Variants in LAMA2 observed in about 807,000 individuals in gnomAD.
The protein encoded by LAMA2 is laminin subunit alpha 2, also known as laminin subunit alpha-2.
A neutral mutation model predicts 364.8 loss-of-function variants in LAMA2; 269 were observed. That is an observed-to-expected ratio of 0.74 (90% CI 0.67 to 0.82). The LOEUF is 0.82. Among genes scored for constraint, LAMA2 ranks in the 40% least tolerant of loss-of-function variants. LAMA2 has a pLI of 0.00. For missense variants in LAMA2, 3,807 were observed against 3,873.2 expected, an observed-to-expected ratio of 0.98 and a Z score of 0.45; for synonymous variants, 1,379 against 1,370.6, an observed-to-expected ratio of 1.01 and a Z score of -0.14.
Position 128,980,128 on chromosome 6 carries a change from A to G in LAMA2, c.113-69790A>G, listed in dbSNP as rs558824202. On this transcript the variant is annotated intron_variant, in intron 1 of 64. Coordinates refer to ENST00000421865, the MANE Select transcript of LAMA2 (RefSeq NM_000426.4). ...GATATAGCCACCTGACAGATCAGTAACCTCAGTGTAGCTGGTGGCCATGAG... is the reference window on the plus strand; with the variant it reads ...GATATAGCCACCTGACAGATCAGTAGCCTCAGTGTAGCTGGTGGCCATGAG... Among the ~76,000 whole-genome samples, 14 of 152,254 alleles carry G rather than the reference A, an allele frequency of 9.2e-5. No homozygotes were observed. In the East Asian group the frequency reaches 2.3e-3, roughly 25 times the overall value.
At chr6:129,130,010 G>C (rs533106848) in intron 4 of LAMA2, among the ~76,000 whole-genome samples, 25 of 152,138 alleles carry the variant, frequency 1.6e-4, no homozygotes, top group African/African-American at 4.8e-4. Context: ...GCTGTTAGGA[G>C]GAAGCATTAT....
chr6:129,237,098 A>G (rs1785046040), intron 12 of LAMA2, among the ~76,000 whole-genome samples: 1 of 152,170 alleles, frequency 6.6e-6, no homozygotes, highest in Admixed American at 6.5e-5. Flanking sequence ...TTTAAAATCA[A>G]TGTAACAGTT....
At chr6:129,031,802 A>T (rs1319665116) in intron 1 of LAMA2, among the ~76,000 whole-genome samples, 3 of 149,126 alleles carry the variant, frequency 2.0e-5, no homozygotes, top group Non-Finnish European at 4.4e-5. Context: ...TTATGTACTA[A>T]ATCCTGATAT....
chr6:129,319,297 G>A (rs1208369989), intron 27 of LAMA2, among the ~76,000 whole-genome samples: 1 of 152,052 alleles, frequency 6.6e-6, no homozygotes, highest in African/African-American at 2.4e-5. Flanking sequence ...AATGACCTTG[G>A]GTTGTCTGTT....
intron 55 of LAMA2, 82 bp from the exon 56 acceptor site, chr6:129,486,392 C>A: frequency 1.5e-6 from 2 of 1,371,108 alleles, no homozygotes; most frequent in South Asian, 1.2e-5. Context: ...GCAGACGAAC[C>A]TGTGGTTCTG....
chr6:129,379,687 T>G (rs1375341651), intron 34 of LAMA2, among the ~76,000 whole-genome samples: 1 of 152,196 alleles, frequency 6.6e-6, no homozygotes, highest in Non-Finnish European at 1.5e-5. Context: ...CCAGTTTGAA[T>G]TACTGTGAGG....
chr6:129,243,379 C>G (rs1395445538), intron 12 of LAMA2, among the ~76,000 whole-genome samples: 1 of 151,996 alleles, frequency 6.6e-6, no homozygotes, highest in Non-Finnish European at 1.5e-5. Context: ...TTCCCCTTGC[C>G]AATCAAAACA....
chr6:128,986,271 T>A (rs1234802330), intron 1 of LAMA2, among the ~76,000 whole-genome samples: 1 of 152,170 alleles, frequency 6.6e-6, no homozygotes, highest in Non-Finnish European at 1.5e-5. Flanking sequence ...GTGGTAGGAT[T>A]GTTTTGCATA....
Position 129,465,203 on chromosome 6 carries a change from G to T in LAMA2, c.7214G>T (p.Gly2405Val). The T allele has an allele frequency of 6.2e-7, 1 of 1,611,000 alleles. No individual in the cohort carries two copies. Among genetic ancestry groups the T allele is most frequent in the Non-Finnish European group, 8.5e-7 (1 of 1,177,720 alleles). Reference protein sequence around the residue: ...DGHIKVSYDLGSGMASVVSNQ... With the variant: ...DGHIKVSYDLVSGMASVVSNQ... ...CACATAAAAGTCAGTTACGATCTGG[G>T]CTCAGGAATGGCTTCCGTTGTCAGC... The change falls in exon 51 of 65, where the codon GGC becomes GTC. Residue 2405 changes from glycine to valine, a missense_variant. By Grantham distance (109) the Gly-to-Val change is moderately radical. This residue lies in a region of LAMA2 where 3,333 missense variants were observed against 3,345.7 expected (regional missense o/e 1.00). Transcript: ENST00000421865.
chr6:129,425,008 A>G (rs1215890690), intron 40 of LAMA2, among the ~76,000 whole-genome samples: 1 of 152,048 alleles, frequency 6.6e-6, no homozygotes, highest in East Asian at 1.9e-4. Context: ...TGAGTGAAAG[A>G]AGCCAGACAA....
intron 3 of LAMA2, among the ~76,000 whole-genome samples, chr6:129,085,430 T>C (rs117788652): frequency 0.021 from 3,162 of 152,290 alleles, 48 homozygotes; most frequent in Non-Finnish European, 0.031. Context: ...ATGTTAGAAA[T>C]CTGTTCTCAT....
chr6:129,359,789 C>G (rs1777361175), intron 32 of LAMA2, among the ~76,000 whole-genome samples: 1 of 152,042 alleles, frequency 6.6e-6, no homozygotes. Flanking sequence ...CTCATTTTAG[C>G]TTCAGCTTCT....
intron 3 of LAMA2, among the ~76,000 whole-genome samples, chr6:129,068,339 A>G (rs1773073814): frequency 6.6e-6 from 1 of 152,202 alleles, no homozygotes. Flanking sequence ...GTACCAGATG[A>G]GGTGGCTTAT....
intron 1 of LAMA2, among the ~76,000 whole-genome samples, chr6:128,932,459 C>T (rs529200365): frequency 1.4e-4 from 21 of 152,116 alleles, no homozygotes; most frequent in Non-Finnish European, 1.9e-4. Context: ...AGAGTTTATG[C>T]TCAAGACAAG....
At chr6:129,196,646 C>T (rs1331177974) in intron 12 of LAMA2, among the ~76,000 whole-genome samples, 2 of 152,144 alleles carry the variant, frequency 1.3e-5, no homozygotes, top group Non-Finnish European at 2.9e-5. Context: ...AACCCCTCCT[C>T]GCCATCCATA....
intron 4 of LAMA2, among the ~76,000 whole-genome samples, chr6:129,122,266 A>C (rs186754283): frequency 5.1e-4 from 78 of 152,314 alleles, no homozygotes; most frequent in African/African-American, 1.8e-3. Context: ...AGTTTTTGAG[A>C]AAATCTTATA....
intron 4 of LAMA2, among the ~76,000 whole-genome samples, chr6:129,108,819 T>C (rs899355170): frequency 6.6e-6 from 1 of 152,156 alleles, no homozygotes; most frequent in Non-Finnish European, 1.5e-5. Flanking sequence ...GTTTACTATA[T>C]GAAATGATTG....
chr6:129,386,411 A>G (rs1583628873), intron 35 of LAMA2, among the ~76,000 whole-genome samples: 1 of 152,114 alleles, frequency 6.6e-6, no homozygotes. Flanking sequence ...ACAGACTTCT[A>G]TTAAAATGAT....
At chr6:129,511,559 C>T (rs1044991053) in intron 62 of LAMA2, among the ~76,000 whole-genome samples, 10 of 152,066 alleles carry the variant, frequency 6.6e-5, no homozygotes, top group South Asian at 4.1e-4. Flanking sequence ...TGCAGACAGC[C>T]GTGGCTACAC....
Sources: gnomAD v4.1 joint callset for allele counts (sites outside exome capture counted in the v4.1 genomes callset) on GRCh38, gnomAD v4.1.1 for gene constraint, gnomAD v4.1.1 regional missense constraint, MANE v1.5 for transcripts, NCBI Gene and HGNC (gene_info 2026-07-23, HGNC 2026-07-21) for gene names.